The following AGMO variants were observed in gnomAD, a reference collection of about 807,000 sequenced individuals.
AGMO encodes glyceryl-ether monooxygenase.
In AGMO, 75 loss-of-function variants were observed where a neutral mutation model predicts 60.2. The observed-to-expected ratio is 1.25, with a 90% CI of 1.03 to 1.51. The LOEUF is 1.51. AGMO is among the 40% of genes most tolerant of loss of function. The pLI is 0.00. For missense variants in AGMO, 763 were observed against 525.5 expected, an observed-to-expected ratio of 1.45 and a Z score of -4.42; for synonymous variants, 261 against 177.1, an observed-to-expected ratio of 1.47 and a Z score of -3.76.
intron 12 of AGMO, among the ~76,000 whole-genome samples, chr7:15,213,360 G>T (rs2128494548): frequency 6.6e-6 from 1 of 151,802 alleles, no homozygotes; most frequent in East Asian, 1.9e-4. Flanking sequence ...TTTGTTCAAT[G>T]CGAGGGTAGA....
At chr7:15,447,344 C>T (rs1781726749) in intron 3 of AGMO, among the ~76,000 whole-genome samples, 1 of 152,082 alleles carries the variant, frequency 6.6e-6, no homozygotes, top group Non-Finnish European at 1.5e-5. Flanking sequence ...TCCAGCTATA[C>T]CTCCACCCCT....
chr7:15,550,273 A>G (rs1389113145), intron 2 of AGMO, among the ~76,000 whole-genome samples: 6 of 151,946 alleles, frequency 3.9e-5, no homozygotes, highest in African/African-American at 1.2e-4. Flanking sequence ...AAGCAAGAGC[A>G]AACACATTCA....
At chr7:15,246,042 T>G (rs1158106345) in intron 12 of AGMO, among the ~76,000 whole-genome samples, 4 of 151,408 alleles carry the variant, frequency 2.6e-5, no homozygotes, top group African/African-American at 9.8e-5. Flanking sequence ...AATACATCAC[T>G]GAAGGCTTAA....
chr7:15,558,745 A>C (rs928565420), intron 2 of AGMO, among the ~76,000 whole-genome samples: 8 of 152,058 alleles, frequency 5.3e-5, no homozygotes, highest in Non-Finnish European at 1.2e-4. Context: ...TTATTGAAAA[A>C]ATTTTACTTT....
chr7:15,555,771 G>C (rs1031255518), intron 2 of AGMO, among the ~76,000 whole-genome samples: 1 of 151,822 alleles, frequency 6.6e-6, no homozygotes, highest in African/African-American at 2.4e-5. Context: ...CACCAGGGAA[G>C]GTTCATCTAA....
intron 3 of AGMO, among the ~76,000 whole-genome samples, chr7:15,543,028 G>T (rs1476646767): frequency 6.6e-6 from 1 of 152,038 alleles, no homozygotes; most frequent in Admixed American, 6.6e-5. Context: ...CCTTGCTTGG[G>T]AAGGATATTT....
chr7:15,334,187 C>T lies in AGMO; in HGVS notation c.1263+31327G>A, dbSNP rs60132029. On this transcript the variant is annotated intron_variant, in intron 12 of 12. Transcript: ENST00000342526. ...GATGTAAAGAGAAAATAAGGATTCA[C>T]AAAGCAAATTTGAAATGCTAAACAT... Among the ~76,000 whole-genome samples the T allele has an allele frequency of 4.0e-5, 6 of 151,606 alleles. No individual in the cohort carries two copies. In the East Asian group the frequency reaches 7.7e-4, roughly 20 times the overall value.
intron 5 of AGMO, chr7:15,396,732 AGAGAGCTGATTGGTCCATTTTACG>A (rs1562486481): frequency 4.0e-5 from 6 of 149,320 alleles, no homozygotes; most frequent in Admixed American, 1.3e-4. Flanking sequence ...TCCACTTTAC[AGAGAGCTGATTGGTCCATTTTACG>A]GAGAGCTGAT....
At chr7:15,357,191 G>A (rs35981957) in intron 12 of AGMO, among the ~76,000 whole-genome samples, 1 of 13,792 alleles carries the variant, frequency 7.3e-5, no homozygotes, top group Non-Finnish European at 1.2e-4. Flanking sequence ...ATGAATATTC[G>A]TGTGTGTGTG....
At chr7:15,466,914 A>C (rs1232016501) in intron 3 of AGMO, among the ~76,000 whole-genome samples, 3 of 152,064 alleles carry the variant, frequency 2.0e-5, no homozygotes, top group Non-Finnish European at 4.4e-5. Flanking sequence ...GTTACCAGGG[A>C]AATGGAAAGG....
intron 3 of AGMO, among the ~76,000 whole-genome samples, chr7:15,531,574 A>ATATATATATTC (rs1417706634): frequency 8.9e-6 from 1 of 111,778 alleles, no homozygotes. Flanking sequence ...TATATATTCC[A>ATATATATATTC]TATATATATT....
intron 12 of AGMO, among the ~76,000 whole-genome samples, chr7:15,281,521 G>A (rs1038141598): frequency 1.5e-4 from 23 of 152,034 alleles, no homozygotes; most frequent in African/African-American, 5.1e-4. Flanking sequence ...AGAACATTGG[G>A]TCAGGAGTGT....
At chr7:15,468,245 A>G (rs1477342716) in intron 3 of AGMO, among the ~76,000 whole-genome samples, 1 of 152,210 alleles carries the variant, frequency 6.6e-6, no homozygotes, top group Non-Finnish European at 1.5e-5. Flanking sequence ...TGGCAACACT[A>G]AGTGAGAATT....
chr7:15,430,470 G>A lies in AGMO; in HGVS notation c.513+535C>T, dbSNP rs143823399. Among the ~76,000 whole-genome samples, 760 of 151,574 alleles carry A rather than the reference G, an allele frequency of 5.0e-3. 6 individuals are homozygous for A. The highest frequency in any genetic ancestry group is 0.017 in the African/African-American group (720 of 41,436). On this transcript the variant is annotated intron_variant, in intron 4 of 12. Coordinates refer to ENST00000342526, the MANE Select transcript of AGMO (RefSeq NM_001004320.2). ...ACTCTACAAGTAGAGGCTATTTCTG[G>A]TATTCATTAATCTTGTAATTTCCTT...
chr7:15,318,667 A>G (rs1781014916), intron 12 of AGMO, among the ~76,000 whole-genome samples: 1 of 152,196 alleles, frequency 6.6e-6, no homozygotes, highest in African/African-American at 2.4e-5. Context: ...TGTAGGATCC[A>G]TTTATGAGGA....
chr7:15,528,810 G>A (rs1024650384), intron 3 of AGMO, among the ~76,000 whole-genome samples: 18 of 151,956 alleles, frequency 1.2e-4, no homozygotes, highest in Non-Finnish European at 1.3e-4. Flanking sequence ...CACCACACCC[G>A]GCTAATTTTG....
At chr7:15,330,861 G>C (rs886296044) in intron 12 of AGMO, among the ~76,000 whole-genome samples, 11 of 151,698 alleles carry the variant, frequency 7.3e-5, no homozygotes, top group Admixed American at 7.2e-4. Flanking sequence ...CTGACAAACT[G>C]GTCTTAATGA....
In AGMO at chr7:15,318,300, G is replaced by A. The variant is rs75146332; in HGVS notation, c.1263+47214C>T. ...ATTACAGGCGAGAATCACTGTGCCC[G>A]TCCTACATGTTTAAAAGATTATGAA... On this transcript the variant is annotated intron_variant, in intron 12 of 12. Coordinates refer to ENST00000342526, the MANE Select transcript of AGMO (RefSeq NM_001004320.2). Among the ~76,000 whole-genome samples, 434 of 152,006 alleles carry A rather than the reference G, an allele frequency of 2.9e-3. 4 individuals are homozygous for A. Among genetic ancestry groups the A allele is most frequent in the Middle Eastern group, 0.024 (7 of 294 alleles).
intron 2 of AGMO, 26 bp from the exon 3 acceptor site, chr7:15,544,949 G>T: frequency 1.4e-6 from 2 of 1,457,430 alleles, no homozygotes; most frequent in South Asian, 3.0e-5. Flanking sequence ...CACAATCAGT[G>T]ATTATATAAC....
Sources: allele counts gnomAD v4.1 joint callset (sites outside exome capture counted in the v4.1 genomes callset), GRCh38; gene constraint gnomAD v4.1.1; transcripts MANE v1.5; gene names NCBI Gene and HGNC (gene_info 2026-07-23, HGNC 2026-07-21).